Variants in PCDH9 observed in about 807,000 individuals in gnomAD.
PCDH9 encodes protocadherin 9.
In PCDH9, 24 loss-of-function variants were observed where a neutral mutation model predicts 70.6. That is an observed-to-expected ratio of 0.34 (90% CI 0.25 to 0.48). The LOEUF (loss-of-function observed/expected upper bound fraction) is 0.48, where lower values mean the gene tolerates loss of function less well. Ranked by LOEUF, PCDH9 falls within the 20% of genes least tolerant of loss-of-function variation. The probability of loss-of-function intolerance (pLI) is 0.99; values close to 1 mark genes in which losing one functional copy is unlikely to be tolerated. For synonymous variants in PCDH9, 562 were observed against 558.5 expected (o/e 1.01, Z -0.09); for missense variants, 1,281 against 1,503.6 (o/e 0.85, Z 2.45).
chr13:66,742,899 C>T (rs1050768233), intron 3 of PCDH9, among the ~76,000 whole-genome samples: 4 of 133,326 alleles, frequency 3.0e-5, no homozygotes, highest in African/African-American at 1.1e-4. Context: ...GTTGGTGGGA[C>T]TGTAAACTAG....
At chr13:66,786,258 T>C (rs2080078198) in intron 3 of PCDH9, among the ~76,000 whole-genome samples, 1 of 152,148 alleles carries the variant, frequency 6.6e-6, no homozygotes, top group Non-Finnish European at 1.5e-5. Context: ...CTAGGCACAA[T>C]TCCCTTGAGA....
intron 4 of PCDH9, among the ~76,000 whole-genome samples, chr13:66,586,442 C>T (rs540650556): frequency 2.4e-4 from 37 of 152,190 alleles, no homozygotes; most frequent in Non-Finnish European, 5.3e-4. Flanking sequence ...AAGTGTGCAC[C>T]TATTTGCCTT....
At chr13:66,878,097 T>G (rs1262237072) in intron 3 of PCDH9, among the ~76,000 whole-genome samples, 2 of 152,098 alleles carry the variant, frequency 1.3e-5, no homozygotes, top group African/African-American at 4.8e-5. Context: ...AATGACTGAG[T>G]TCTAAGGGAG....
intron 3 of PCDH9, among the ~76,000 whole-genome samples, chr13:66,708,960 T>C (rs543960110): frequency 4.1e-4 from 62 of 152,338 alleles, no homozygotes; most frequent in Admixed American, 2.2e-3. Context: ...TGTTCTCTGA[T>C]ATATCTTTGG....
chr13:67,227,467 A>T lies in PCDH9; in HGVS notation c.974T>A (p.Ile325Asn), dbSNP rs1393014470. ...ACTAGCCAGCACTGTCACTTTGTGA[A>T]TGGCTGTCTCCTCTCTATCTAAGGA... ...QRSLDREETAIHKVTVLASDG... is the reference protein window; with the variant it reads ...QRSLDREETANHKVTVLASDG... Residue 325 changes from isoleucine to asparagine, a missense_variant, in exon 2 of 5, where the codon ATT becomes AAT. Physicochemically the swap from Ile to Asn is moderately radical, Grantham distance 149. Transcript: ENST00000377865. This position sits in a 1 kb window ranked among gnomAD's most constrained non-coding sequence, Gnocchi z 4.6. 6.2e-7 allele frequency: 1 copy of T among 1,613,960 alleles called. No individual in the cohort carries two copies. The highest frequency in any genetic ancestry group is 1.7e-4 in the Middle Eastern group (1 of 6,060).
chr13:66,639,772 G>A (rs1372204365), intron 3 of PCDH9, among the ~76,000 whole-genome samples: 1 of 152,088 alleles, frequency 6.6e-6, no homozygotes, highest in Admixed American at 6.5e-5. Flanking sequence ...AAACAGAGAG[G>A]ATTAAAAATT....
intron 4 of PCDH9, among the ~76,000 whole-genome samples, chr13:66,613,431 G>C (rs2077317842): frequency 6.6e-6 from 1 of 152,194 alleles, no homozygotes; most frequent in African/African-American, 2.4e-5. Flanking sequence ...TATTAGGCTA[G>C]GCCCCTCAAC....
intron 3 of PCDH9, among the ~76,000 whole-genome samples, chr13:66,666,120 A>G (rs1019737727): frequency 6.6e-6 from 1 of 152,236 alleles, no homozygotes; most frequent in African/African-American, 2.4e-5. Context: ...AGCCGTGACC[A>G]GAAGCCAGGC....
At chr13:66,493,059 A>G (rs1383048591) in intron 4 of PCDH9, among the ~76,000 whole-genome samples, 1 of 152,184 alleles carries the variant, frequency 6.6e-6, no homozygotes, top group Non-Finnish European at 1.5e-5. Flanking sequence ...AAAGAAATAA[A>G]ATAATAATAA....
chr13:66,367,845 T>C (rs73205658), intron 4 of PCDH9, among the ~76,000 whole-genome samples: 2,460 of 152,186 alleles, frequency 0.016, 32 homozygotes, highest in Non-Finnish European at 0.027. Flanking sequence ...AAAAAATAAT[T>C]CTAGGAACTC....
intron 2 of PCDH9, among the ~76,000 whole-genome samples, chr13:67,114,938 T>C (rs1403473204): frequency 1.3e-5 from 2 of 152,240 alleles, no homozygotes; most frequent in Non-Finnish European, 2.9e-5. Flanking sequence ...TTTTGACAGT[T>C]AGTTGGTGTC....
At chr13:67,114,465 G>T (rs1182578987) in intron 2 of PCDH9, among the ~76,000 whole-genome samples, 1 of 152,056 alleles carries the variant, frequency 6.6e-6, no homozygotes, top group Non-Finnish European at 1.5e-5. Context: ...TGAGGCATCT[G>T]CCAGTTTATA....
chr13:66,469,364 C>A (rs1382903177), intron 4 of PCDH9, among the ~76,000 whole-genome samples: 1 of 150,430 alleles, frequency 6.6e-6, no homozygotes, highest in Admixed American at 6.7e-5. Flanking sequence ...AATATTGATT[C>A]ACAGAAGGCA....
chr13:67,034,407 A>G (rs544033668), intron 2 of PCDH9, among the ~76,000 whole-genome samples: 2 of 152,216 alleles, frequency 1.3e-5, no homozygotes, highest in Non-Finnish European at 2.9e-5. Flanking sequence ...TTCTTTAAAT[A>G]TTTACCATAC....
chr13:66,522,049 A>G (rs1960017021), intron 4 of PCDH9, among the ~76,000 whole-genome samples: 1 of 148,004 alleles, frequency 6.8e-6, no homozygotes, highest in Non-Finnish European at 1.5e-5. Flanking sequence ...ATATATATAT[A>G]TATAGTTTTA....
chr13:67,035,899 AG>A (rs1286420865), intron 2 of PCDH9, among the ~76,000 whole-genome samples: 4 of 152,158 alleles, frequency 2.6e-5, no homozygotes, highest in Admixed American at 2.6e-4. Flanking sequence ...TTCCCTAAAA[AG>A]TTTTCATCTG....
At chr13:66,765,606 G>T (rs2079703109) in intron 3 of PCDH9, among the ~76,000 whole-genome samples, 1 of 152,038 alleles carries the variant, frequency 6.6e-6, no homozygotes, top group Non-Finnish European at 1.5e-5. Context: ...GTATTTCACA[G>T]TCTGGTTTAC....
intron 4 of PCDH9, among the ~76,000 whole-genome samples, chr13:66,316,559 G>C (rs1247923679): frequency 6.6e-6 from 1 of 152,090 alleles, no homozygotes; most frequent in Non-Finnish European, 1.5e-5. Flanking sequence ...TAGTCTCAGG[G>C]TCTGTGGATT....
At chr13:66,781,068 A>T (rs1472498142) in intron 3 of PCDH9, among the ~76,000 whole-genome samples, 1 of 152,148 alleles carries the variant, frequency 6.6e-6, no homozygotes, top group Admixed American at 6.5e-5. Context: ...GGCCAATAAT[A>T]AGTTGTGTAG....
Sources: gnomAD v4.1 joint callset for allele counts (sites outside exome capture counted in the v4.1 genomes callset) on GRCh38, gnomAD v4.1.1 for gene constraint, Gnocchi (gnomAD v3.1) non-coding constraint, MANE v1.5 for transcripts, NCBI Gene and HGNC (gene_info 2026-07-23, HGNC 2026-07-21) for gene names.